TMEM114: variants seen among roughly 807,000 people sequenced by gnomAD.
TMEM114 encodes the protein transmembrane protein 114.
Under a neutral mutation model 6.2 loss-of-function variants are expected in TMEM114, and 6 were observed. That is an observed-to-expected ratio of 0.97 (90% confidence interval 0.53 to 1.91). The LOEUF is 1.91. TMEM114 is among the 40% of genes most tolerant of loss of function. The probability of loss-of-function intolerance (pLI) is 0.01; values close to 1 mark genes in which losing one functional copy is unlikely to be tolerated. For synonymous variants in TMEM114, 104 were observed against 73.0 expected (o/e 1.42, Z -2.16); for missense variants, 218 against 158.3 (o/e 1.38, Z -2.02).
chr16:8,552,977 C>G (rs1284660183), intron 2 of TMEM114, among the ~76,000 whole-genome samples: 1 of 152,244 alleles, frequency 6.6e-6, no homozygotes, highest in Non-Finnish European at 1.5e-5. Context: ...GATCTCCATC[C>G]TTTTATCCAG....
intron 2 of TMEM114, among the ~76,000 whole-genome samples, chr16:8,558,931 G>T (rs1255430552): frequency 6.6e-6 from 1 of 151,622 alleles, no homozygotes; most frequent in Non-Finnish European, 1.5e-5. Context: ...TTTTAGTAGA[G>T]ACGGGGTTTC....
chr16:8,529,110 C>T, the TMEM114 span, among the ~76,000 whole-genome samples: 1 of 152,150 alleles, frequency 6.6e-6, no homozygotes, highest in Non-Finnish European at 1.5e-5. Context: ...ATCTTGGCTA[C>T]CTGGAAGAGA....
At chr16:8,580,531 C>A (rs561658839) in intron 2 of TMEM114, among the ~76,000 whole-genome samples, 1 of 151,560 alleles carries the variant, frequency 6.6e-6, no homozygotes, top group African/African-American at 2.4e-5. Context: ...GGAAACAAGA[C>A]CCTCTTGGCC....
chr16:8,535,350 A>T (rs570601575), downstream of TMEM114, among the ~76,000 whole-genome samples: 19 of 152,254 alleles, frequency 1.2e-4, no homozygotes, highest in Non-Finnish European at 2.5e-4. Flanking sequence ...AATCAGAAAA[A>T]TGTCAAGTCA....
At chr16:8,545,408 CT>C in intron 2 of TMEM114, among the ~76,000 whole-genome samples, 1 of 152,252 alleles carries the variant, frequency 6.6e-6, no homozygotes, top group Non-Finnish European at 1.5e-5. Flanking sequence ...TGCACTCACC[CT>C]GTGCAACAGT....
chr16:8,572,956 T>C (rs1206143178), intron 2 of TMEM114, among the ~76,000 whole-genome samples: 1 of 152,156 alleles, frequency 6.6e-6, no homozygotes, highest in Non-Finnish European at 1.5e-5. Context: ...TGCTGATCAT[T>C]TGGAAGTTAT....
chr16:8,566,376 C>CAA (rs71150401), downstream of TMEM114, among the ~76,000 whole-genome samples: 9,185 of 142,840 alleles, frequency 0.064, 605 homozygotes, highest in South Asian at 0.11. Context: ...GACGCAGTCT[C>CAA]AAAAAAAAAA....
At chr16:8,577,310 G>C (rs1293948951) in intron 2 of TMEM114, among the ~76,000 whole-genome samples, 2 of 152,188 alleles carry the variant, frequency 1.3e-5, no homozygotes, top group Non-Finnish European at 2.9e-5. Context: ...ATGATGTGGG[G>C]ACAGCTACTG....
intron 3 of TMEM114, 89 bp from the exon 4 acceptor site, chr16:8,570,094 T>C (rs9922116): frequency 0.88 from 1,297,430 of 1,469,438 alleles, 573,645 homozygotes; most frequent in African/African-American, 0.93. Flanking sequence ...GCCACGCTGC[T>C]CAGCGTCCAG....
chr16:8,577,977 C>A (rs1393519728), intron 2 of TMEM114, among the ~76,000 whole-genome samples: 2 of 152,168 alleles, frequency 1.3e-5, no homozygotes, highest in Non-Finnish European at 2.9e-5. Context: ...GTCCTAGGGC[C>A]TGGGGACACC....
the TMEM114 span, among the ~76,000 whole-genome samples, chr16:8,527,879 C>A: frequency 6.6e-6 from 1 of 152,106 alleles, no homozygotes; most frequent in Non-Finnish European, 1.5e-5. Context: ...TAGACTGGGT[C>A]TCTAGTTTCA....
chr16:8,555,568 T>G (rs1900984146), intron 2 of TMEM114, among the ~76,000 whole-genome samples: 1 of 152,180 alleles, frequency 6.6e-6, no homozygotes, highest in African/African-American at 2.4e-5. Context: ...TAGATGCGTC[T>G]TTTGGTTCCT....
chr16:8,543,978 G>A (rs1003959558), intron 2 of TMEM114, among the ~76,000 whole-genome samples: 2 of 152,166 alleles, frequency 1.3e-5, no homozygotes, highest in Admixed American at 6.5e-5. Context: ...ACTGGCTTAT[G>A]TAATCCAATA....
At chr16:8,563,695 G>C (rs999853240) in intron 2 of TMEM114, among the ~76,000 whole-genome samples, 48 of 150,992 alleles carry the variant, frequency 3.2e-4, no homozygotes, top group Non-Finnish European at 7.4e-5. Context: ...GTGAATGAGT[G>C]AGTTAGTGAA....
At chr16:8,559,554 C>T (rs9635561) in intron 2 of TMEM114, among the ~76,000 whole-genome samples, 3 of 151,984 alleles carry the variant, frequency 2.0e-5, no homozygotes, top group Non-Finnish European at 2.9e-5. Flanking sequence ...AAGGTGGAAG[C>T]GGATAGGGGA....
At chr16:8,567,090 G>C (rs1555464311), downstream of TMEM114, among the ~76,000 whole-genome samples, 1 of 141,510 alleles carries the variant, frequency 7.1e-6, no homozygotes, top group African/African-American at 2.6e-5. Flanking sequence ...TGTATTTTTA[G>C]TAGAGATGGG....
chr16:8,579,931 G>A (rs944700387), intron 2 of TMEM114, among the ~76,000 whole-genome samples: 1 of 152,144 alleles, frequency 6.6e-6, no homozygotes, highest in Non-Finnish European at 1.5e-5. Context: ...AGTGGGGAGA[G>A]GTCTCAGCTG....
Position 8,590,028 on chromosome 16 carries a change from T to C in TMEM114, c.-190A>G, listed in dbSNP as rs984097930. The C allele has an allele frequency of 6.6e-5, 25 of 381,116 alleles. No individual in the cohort carries two copies. Among genetic ancestry groups the C allele is most frequent in the African/African-American group, 4.6e-4 (22 of 47,856 alleles). The allele number at this position is 381,116 out of a possible 1,614,324, so 23.6% of individuals were successfully genotyped here. A position where few individuals can be genotyped will look rare whatever the true frequency, so the allele number is the denominator to read the frequency against. On this transcript the variant is annotated 5_prime_UTR_variant, in exon 1 of 4. Transcript: ENST00000620492. ...AGACCCTGGCTCCTCACCTGCCGGC[T>C]CCGACCTGCACGCGCCCCCCGCTCA...
At chr16:8,547,575 T>C (rs140328195) in intron 2 of TMEM114, among the ~76,000 whole-genome samples, 1,891 of 152,140 alleles carry the variant, frequency 0.012, 29 homozygotes, top group African/African-American at 0.043. Context: ...GTATTTTTAG[T>C]AGAGACAGGG....
Sources: gnomAD v4.1 joint callset for allele counts (sites outside exome capture counted in the v4.1 genomes callset) on GRCh38, gnomAD v4.1.1 for gene constraint, MANE v1.5 for transcripts, NCBI Gene and HGNC (gene_info 2026-07-23, HGNC 2026-07-21) for gene names.